Variants in CA8 observed in about 807,000 individuals in gnomAD.
The protein encoded by CA8 is carbonic anhydrase 8 (inactive).
Under a neutral mutation model 41.4 loss-of-function variants are expected in CA8, and 22 were observed. That is an observed-to-expected ratio of 0.53 (90% CI 0.38 to 0.76). The LOEUF is 0.76. Ranked by LOEUF, CA8 falls within the 30% of genes least tolerant of loss-of-function variation. The pLI, the probability that CA8 is intolerant of heterozygous loss-of-function variation, is 0.00. For synonymous variants in CA8, 121 were observed against 130.6 expected, an observed-to-expected ratio of 0.93 and a Z score of 0.50; for missense variants, 270 against 352.8, an observed-to-expected ratio of 0.77 and a Z score of 1.88.
Position 60,197,280 on chromosome 8 carries a change from TATC to T in CA8, c.*36-7298_*36-7296del, listed in dbSNP as rs528424962. 7.2e-5 allele frequency among the ~76,000 whole-genome samples: 11 copies of T among 152,240 alleles called. No homozygotes were observed. In the East Asian group the frequency reaches 1.2e-3, roughly 16 times the overall value. ...AACTATGCAATGACATGAAAAGATA[TATC>T]ATCAAGCTGATTGAAAAATAGCATG... On this transcript the variant is annotated intron_variant, in intron 8 of 8. Transcript: ENST00000317995.
chr8:60,191,924 C>T lies in CA8; in HGVS notation c.*36-1939G>A, dbSNP rs180911611. 3.9e-3 allele frequency among the ~76,000 whole-genome samples: 593 copies of T among 152,176 alleles called. 5 individuals carry two copies. The highest frequency in any genetic ancestry group is 6.3e-3 in the Non-Finnish European group (426 of 67,980). On this transcript the variant is annotated intron_variant, in intron 8 of 8. Transcript: ENST00000317995. ...GTTGGTGTCCTATTCATTTTTGAAGCTCTCAGGGCATGATTCAGGGGGTTC... is the reference window on the plus strand; with the variant it reads ...GTTGGTGTCCTATTCATTTTTGAAGTTCTCAGGGCATGATTCAGGGGGTTC...
chr8:60,214,789 A>G (rs1194340706), intron 7 of CA8, among the ~76,000 whole-genome samples: 3 of 152,208 alleles, frequency 2.0e-5, no homozygotes, highest in Non-Finnish European at 2.9e-5. Context: ...AAGAGGAGGA[A>G]AGACAGAAGA....
At chr8:60,211,268 C>T (rs1806826237) in intron 7 of CA8, among the ~76,000 whole-genome samples, 1 of 152,210 alleles carries the variant, frequency 6.6e-6, no homozygotes, top group Admixed American at 6.5e-5. Flanking sequence ...TGCACAACTT[C>T]TTTTGAAGTG....
chr8:60,238,344 G>A (rs1468645957), intron 3 of CA8, among the ~76,000 whole-genome samples: 1 of 152,192 alleles, frequency 6.6e-6, no homozygotes, highest in Admixed American at 6.5e-5. Context: ...AGTAAACACT[G>A]AAAAGGCAAT....
chr8:60,194,758 G>A (rs948356892), intron 8 of CA8, among the ~76,000 whole-genome samples: 1 of 152,070 alleles, frequency 6.6e-6, no homozygotes, highest in Non-Finnish European at 1.5e-5. Context: ...CCTCACATCT[G>A]CTAAATCTGT....
Position 60,254,554 on chromosome 8 carries a change from G to A in CA8, c.417+11371C>T, listed in dbSNP as rs113838626. ...TAAAAATCTGTAATATTTGTTCTCC[G>A]CAACAAGTTGGATAAGTGATATTTG... is the stretch of plus-strand genomic sequence containing the variant. On this transcript the variant is annotated intron_variant, in intron 3 of 8. Coordinates refer to ENST00000317995, the MANE Select transcript of CA8 (RefSeq NM_004056.6). 3.7e-3 allele frequency among the ~76,000 whole-genome samples: 557 copies of A among 152,302 alleles called. 3 individuals are homozygous for A. The highest frequency in any genetic ancestry group is 0.012 in the African/African-American group (492 of 41,564).
chr8:60,199,754 A>G (rs977029584), intron 8 of CA8, among the ~76,000 whole-genome samples: 6 of 152,148 alleles, frequency 3.9e-5, no homozygotes, highest in African/African-American at 1.4e-4. Flanking sequence ...AGATTATTTT[A>G]GCTTTGTATG....
chr8:60,253,220 G>A (rs1808511353), intron 3 of CA8, among the ~76,000 whole-genome samples: 1 of 152,094 alleles, frequency 6.6e-6, no homozygotes, highest in Non-Finnish European at 1.5e-5. Context: ...GAGTGACAGA[G>A]TAAGACCCTA....
At chr8:60,216,948 G>T in intron 7 of CA8, among the ~76,000 whole-genome samples, 1 of 152,150 alleles carries the variant, frequency 6.6e-6, no homozygotes, top group Non-Finnish European at 1.5e-5. Context: ...GAGTGGTACA[G>T]TCTCGGTTCA....
At chr8:60,196,790 T>C (rs903746802) in intron 8 of CA8, among the ~76,000 whole-genome samples, 2 of 152,104 alleles carry the variant, frequency 1.3e-5, no homozygotes, top group East Asian at 1.9e-4. Flanking sequence ...AAATTAAACA[T>C]GTAAAAATAG....
chr8:60,186,776 A>C lies in CA8; in HGVS notation c.*3245T>G, dbSNP rs191336305. 3.3e-3 allele frequency among the ~76,000 whole-genome samples: 480 copies of C among 143,430 alleles called. 5 individuals are homozygous for C. Among genetic ancestry groups the C allele is most frequent in the African/African-American group, 0.012 (463 of 40,154 alleles). The allele number at this position is 143,430 out of a possible 152,430, so 94.1% of individuals were successfully genotyped here. A position where few individuals can be genotyped will look rare whatever the true frequency, so the allele number is the denominator to read the frequency against. ...GGGCAGCTATATTAATATCTGACAA[A>C]GTATATATTAAAATAAAAAAATGTT... On this transcript the variant is annotated 3_prime_UTR_variant, in exon 9 of 9. Coordinates refer to ENST00000317995, the MANE Select transcript of CA8 (RefSeq NM_004056.6).
chr8:60,200,373 GTAAATTACTC>G (rs1030060155), intron 8 of CA8, among the ~76,000 whole-genome samples: 1 of 152,178 alleles, frequency 6.6e-6, no homozygotes, highest in African/African-American at 2.4e-5. Context: ...GGGGGTCTGG[GTAAATTACTC>G]CACACTACCA....
chr8:60,259,122 C>T (rs540206650), intron 3 of CA8, among the ~76,000 whole-genome samples: 8 of 152,116 alleles, frequency 5.3e-5, no homozygotes, highest in African/African-American at 1.2e-4. Flanking sequence ...GATGGGTGGA[C>T]GGACAGACAA....
At chr8:60,264,788 A>G (rs1245844341) in intron 3 of CA8, 1 of 152,204 alleles carries the variant, frequency 6.6e-6, no homozygotes, top group Non-Finnish European at 1.5e-5. Flanking sequence ...ATTTTTAATG[A>G]AAGAGATATC....
chr8:60,272,373 T>C (rs947717497), intron 2 of CA8, among the ~76,000 whole-genome samples: 3 of 150,246 alleles, frequency 2.0e-5, no homozygotes, highest in African/African-American at 2.4e-5. Flanking sequence ...AATGTTCTAA[T>C]TATGACTTTA....
At chr8:60,269,993 G>A (rs76938579) in intron 2 of CA8, among the ~76,000 whole-genome samples, 2,720 of 152,286 alleles carry the variant, frequency 0.018, 39 homozygotes, top group Non-Finnish European at 0.029. Context: ...AGAGTAGAGC[G>A]AAGAGCCTGA....
At chr8:60,238,195 T>C (rs1807898976) in intron 3 of CA8, among the ~76,000 whole-genome samples, 1 of 152,168 alleles carries the variant, frequency 6.6e-6, no homozygotes, top group Non-Finnish European at 1.5e-5. Flanking sequence ...TCATCATTTG[T>C]CACTGAGAAA....
intron 8 of CA8, among the ~76,000 whole-genome samples, chr8:60,207,680 T>G (rs762087742): frequency 6.6e-6 from 1 of 152,210 alleles, no homozygotes; most frequent in Non-Finnish European, 1.5e-5. Flanking sequence ...TCTCTCCACC[T>G]CCACTGTTCC....
intron 3 of CA8, among the ~76,000 whole-genome samples, chr8:60,237,154 T>A (rs1400679071): frequency 1.3e-5 from 2 of 152,226 alleles, no homozygotes; most frequent in Non-Finnish European, 2.9e-5. Flanking sequence ...GAATCTCGTC[T>A]TAGATTCTTG....
Sources: allele counts gnomAD v4.1 joint callset (sites outside exome capture counted in the v4.1 genomes callset), GRCh38; gene constraint gnomAD v4.1.1; transcripts MANE v1.5; gene names NCBI Gene and HGNC (gene_info 2026-07-23, HGNC 2026-07-21).